The following RALGAPA2 variants were observed in gnomAD, a reference collection of about 807,000 sequenced individuals.
RALGAPA2 encodes the protein ral GTPase-activating protein subunit alpha-2.
Under a neutral mutation model 230.4 loss-of-function variants are expected in RALGAPA2, and 139 were observed. The observed-to-expected ratio is 0.60, with a 90% confidence interval of 0.53 to 0.69. The LOEUF (loss-of-function observed/expected upper bound fraction) is 0.69, where lower values mean the gene tolerates loss of function less well. RALGAPA2 is among the 30% of genes least tolerant of loss of function. RALGAPA2 has a pLI of 0.00. For missense variants in RALGAPA2, 2,163 were observed against 2,276.0 expected (o/e 0.95, Z 1.01); for synonymous variants, 847 against 837.8 (o/e 1.01, Z -0.19).
intron 37 of RALGAPA2, among the ~76,000 whole-genome samples, chr20:20,456,644 C>T (rs2061127496): frequency 6.6e-6 from 1 of 152,226 alleles, no homozygotes; most frequent in Admixed American, 6.5e-5. Context: ...CCAAACTAGC[C>T]AAGTGGAGGG....
rs150348289 is a variant in RALGAPA2 at position 20,567,504 on chromosome 20, A to G, written c.3156+3954T>C. Among the ~76,000 whole-genome samples, 11 of 152,342 alleles carry G rather than the reference A, an allele frequency of 7.2e-5. No homozygotes were observed. In the East Asian group the frequency reaches 2.1e-3, roughly 29 times the overall value. ...TCTGAAGTGGAGTAGGACCAAGGGC[A>G]GAGCCCAGGCAAAATAAAACGGAAG... On this transcript the variant is annotated intron_variant, in intron 23 of 39. Coordinates refer to ENST00000202677, the MANE Select transcript of RALGAPA2 (RefSeq NM_020343.4).
intron 4 of RALGAPA2, among the ~76,000 whole-genome samples, chr20:20,652,101 A>T (rs1433225176): frequency 6.6e-6 from 1 of 152,238 alleles, no homozygotes; most frequent in East Asian, 1.9e-4. Flanking sequence ...TTCAATTGAC[A>T]TATACACTTT....
At chr20:20,445,260 G>A (rs962018679) in intron 37 of RALGAPA2, among the ~76,000 whole-genome samples, 8 of 152,196 alleles carry the variant, frequency 5.3e-5, no homozygotes, top group Non-Finnish European at 7.3e-5. Flanking sequence ...ATGCTCGAAT[G>A]TAATGTCTGA....
intron 28 of RALGAPA2, among the ~76,000 whole-genome samples, 181 bp from the exon 29 acceptor site, chr20:20,525,079 G>A (rs1391268510): frequency 6.6e-6 from 1 of 152,150 alleles, no homozygotes; most frequent in Non-Finnish European, 1.5e-5. Flanking sequence ...AAAGACAATG[G>A]GGCCACATCC....
At chr20:20,548,329 A>T (rs1279520660) in intron 23 of RALGAPA2, among the ~76,000 whole-genome samples, 1 of 152,164 alleles carries the variant, frequency 6.6e-6, no homozygotes, top group East Asian at 1.9e-4. Flanking sequence ...CTTCCTAAAA[A>T]ACTTTGTATG....
intron 37 of RALGAPA2, among the ~76,000 whole-genome samples, chr20:20,465,769 C>T (rs1017273788): frequency 6.6e-6 from 1 of 152,170 alleles, no homozygotes; most frequent in East Asian, 1.9e-4. Context: ...AGCTCCTACC[C>T]CAGGGAACCA....
intron 23 of RALGAPA2, among the ~76,000 whole-genome samples, chr20:20,558,615 T>A (rs890622562): frequency 6.6e-5 from 10 of 151,624 alleles, no homozygotes; most frequent in African/African-American, 2.4e-4. Context: ...TAAGGGAGTG[T>A]GGAATTGTGT....
intron 37 of RALGAPA2, among the ~76,000 whole-genome samples, chr20:20,419,142 C>T (rs1569381241): frequency 3.3e-5 from 5 of 152,126 alleles, no homozygotes; most frequent in Admixed American, 2.0e-4. Context: ...GGGATTACCT[C>T]TGGGGTGTGG....
intron 36 of RALGAPA2, among the ~76,000 whole-genome samples, chr20:20,473,880 C>T (rs142570360): frequency 6.4e-4 from 98 of 152,248 alleles, no homozygotes; most frequent in African/African-American, 2.3e-3. Flanking sequence ...TATTACTCCC[C>T]TATTCATGTA....
At chr20:20,554,469 T>C (rs1281305197) in intron 23 of RALGAPA2, among the ~76,000 whole-genome samples, 2 of 152,344 alleles carry the variant, frequency 1.3e-5, no homozygotes, top group Non-Finnish European at 2.9e-5. Flanking sequence ...TGATATGAAT[T>C]TCTCTGGTGA....
intron 16 of RALGAPA2, chr20:20,598,874 TTTA>T (rs2065546612): frequency 7.5e-6 from 3 of 398,018 alleles, no homozygotes; most frequent in South Asian, 5.5e-5. Flanking sequence ...GACCTTTCAC[TTTA>T]TTATTATTAC....
Position 20,523,969 on chromosome 20 carries a change from TG to T in RALGAPA2, c.3900+436del, listed in dbSNP as rs367866680. ...TCAGTCCTTAAGTTATTTACTTTTT[TG>T]GGGGGGGATGGAGTCTCGCTCTGTT... On this transcript the variant is annotated intron_variant, in intron 30 of 39. Transcript: ENST00000202677. 7.4e-3 allele frequency among the ~76,000 whole-genome samples: 1,119 copies of T among 151,766 alleles called. 11 individuals are homozygous for T. Among genetic ancestry groups the T allele is most frequent in the African/African-American group, 0.026 (1,071 of 41,392 alleles).
At chr20:20,646,612 CT>C (rs1333443675) in intron 4 of RALGAPA2, among the ~76,000 whole-genome samples, 1 of 152,060 alleles carries the variant, frequency 6.6e-6, no homozygotes, top group East Asian at 1.9e-4. Flanking sequence ...CATAAATATC[CT>C]TTGAATGTAA....
At chr20:20,549,195 C>T (rs2063855016) in intron 23 of RALGAPA2, among the ~76,000 whole-genome samples, 1 of 152,090 alleles carries the variant, frequency 6.6e-6, no homozygotes, top group Non-Finnish European at 1.5e-5. Context: ...CAAGCTAATA[C>T]CACAATTTGT....
intron 37 of RALGAPA2, among the ~76,000 whole-genome samples, chr20:20,458,377 C>CA (rs991008063): frequency 7.0e-6 from 1 of 143,518 alleles, no homozygotes; most frequent in Non-Finnish European, 1.5e-5. Context: ...TCTGTTTGTC[C>CA]AAAAAAAATA....
chr20:20,409,116 C>G (rs74592418), intron 38 of RALGAPA2, among the ~76,000 whole-genome samples: 1,913 of 152,326 alleles, frequency 0.013, 42 homozygotes, highest in African/African-American at 0.044. Flanking sequence ...AACCCACCCC[C>G]GCAGGGCTTG....
chr20:20,671,673 T>C (rs1023741915), intron 3 of RALGAPA2, among the ~76,000 whole-genome samples: 4 of 152,190 alleles, frequency 2.6e-5, no homozygotes, highest in Admixed American at 6.5e-5. Flanking sequence ...TTGAACAATA[T>C]ATATTTGTTC....
intron 3 of RALGAPA2, among the ~76,000 whole-genome samples, chr20:20,659,401 G>T (rs2067694894): frequency 6.6e-6 from 1 of 152,162 alleles, no homozygotes; most frequent in African/African-American, 2.4e-5. Context: ...ATAACAAAAT[G>T]TTATTTGAGG....
At chr20:20,653,472 T>C (rs2067480871) in intron 4 of RALGAPA2, 58 bp downstream of exon 4, 4 of 914,018 alleles carry the variant, frequency 4.4e-6, no homozygotes, top group African/African-American at 1.7e-5. Flanking sequence ...TATAAAACAT[T>C]ACTGAAAATT....
Sources: gnomAD v4.1 joint callset for allele counts (sites outside exome capture counted in the v4.1 genomes callset) on GRCh38, gnomAD v4.1.1 for gene constraint, MANE v1.5 for transcripts, NCBI Gene and HGNC (gene_info 2026-07-23, HGNC 2026-07-21) for gene names.